The following PTPRJ variants were observed in gnomAD, a reference collection of about 807,000 sequenced individuals.
The protein encoded by PTPRJ is protein tyrosine phosphatase receptor type J, also known as receptor-type tyrosine-protein phosphatase eta.
Under a neutral mutation model 141.3 loss-of-function variants are expected in PTPRJ, and 129 were observed. The observed-to-expected ratio is 0.91, with a 90% CI of 0.79 to 1.06. The LOEUF is 1.06. PTPRJ is among the 50% of genes least tolerant of loss of function. The pLI is 0.00. For synonymous variants in PTPRJ, 610 were observed against 640.5 expected (o/e 0.95, Z 0.72); for missense variants, 1,601 against 1,679.7 (o/e 0.95, Z 0.82).
intron 1 of PTPRJ, among the ~76,000 whole-genome samples, chr11:48,027,968 C>T (rs1364281669): frequency 6.6e-6 from 1 of 151,360 alleles, no homozygotes; most frequent in Non-Finnish European, 1.5e-5. Context: ...GGTCCAGATG[C>T]TTCCAGGGTC....
intron 1 of PTPRJ, among the ~76,000 whole-genome samples, chr11:48,045,809 C>T (rs1022831690): frequency 6.6e-6 from 1 of 152,156 alleles, no homozygotes; most frequent in Non-Finnish European, 1.5e-5. Context: ...GGGGTGAGGG[C>T]CTGGCCACCT....
chr11:48,136,977 T>C (rs1857115913), intron 9 of PTPRJ, 26 bp from the exon 10 acceptor site: 16 of 1,550,706 alleles, frequency 1.0e-5, no homozygotes, highest in Non-Finnish European at 1.3e-5. Context: ...TGCTTTTACA[T>C]GAATTGCCTT....
intron 1 of PTPRJ, among the ~76,000 whole-genome samples, chr11:48,020,144 T>G (rs1408108871): frequency 6.6e-6 from 1 of 152,210 alleles, no homozygotes; most frequent in East Asian, 1.9e-4. Flanking sequence ...GTTCTTTTTC[T>G]TTTGTTTTAC....
chr11:47,996,639 C>T (rs1854344225), intron 1 of PTPRJ, among the ~76,000 whole-genome samples: 1 of 152,214 alleles, frequency 6.6e-6, no homozygotes, highest in Admixed American at 6.5e-5. Flanking sequence ...CCTCAGTGAC[C>T]TCCTTGTTAA....
chr11:47,983,870 A>G (rs767990343), intron 1 of PTPRJ, among the ~76,000 whole-genome samples: 3 of 151,776 alleles, frequency 2.0e-5, no homozygotes, highest in Non-Finnish European at 4.4e-5. Flanking sequence ...GTTTTGTTTT[A>G]TCTTCACTTT....
intron 1 of PTPRJ, among the ~76,000 whole-genome samples, chr11:48,009,540 G>A (rs1392150906): frequency 6.6e-6 from 1 of 152,160 alleles, no homozygotes; most frequent in Non-Finnish European, 1.5e-5. Context: ...AGGGTGTAGC[G>A]AGCCGAGATT....
chr11:47,984,769 G>C (rs1027005427), intron 1 of PTPRJ, among the ~76,000 whole-genome samples: 3 of 152,020 alleles, frequency 2.0e-5, no homozygotes, highest in African/African-American at 7.2e-5. Flanking sequence ...ATGTTGGCCA[G>C]GCTGGTCTTG....
chr11:48,157,762 C>T (rs1022305125), intron 21 of PTPRJ, among the ~76,000 whole-genome samples: 1 of 152,172 alleles, frequency 6.6e-6, no homozygotes, highest in African/African-American at 2.4e-5. Flanking sequence ...TAAGAGATGA[C>T]GCCCATCCTC....
chr11:48,129,791 G>T (rs1856926888), intron 7 of PTPRJ, among the ~76,000 whole-genome samples: 3 of 152,228 alleles, frequency 2.0e-5, no homozygotes, highest in East Asian at 3.9e-4. Context: ...CTGAGGTTTT[G>T]GTTCTAGAGC....
intron 1 of PTPRJ, among the ~76,000 whole-genome samples, chr11:48,085,325 GATTT>G (rs1464310298): frequency 1.3e-5 from 2 of 151,512 alleles, no homozygotes; most frequent in East Asian, 1.9e-4. Flanking sequence ...ACAGGTGACA[GATTT>G]ATTTATTTTT....
intron 1 of PTPRJ, among the ~76,000 whole-genome samples, chr11:48,000,459 TAA>T (rs1444146132): frequency 6.6e-6 from 1 of 152,036 alleles, no homozygotes; most frequent in East Asian, 1.9e-4. Context: ...TTCTTTCCCG[TAA>T]ATTGAGGTGT....
intron 1 of PTPRJ, among the ~76,000 whole-genome samples, chr11:48,010,938 T>C (rs1214285335): frequency 6.6e-6 from 1 of 151,862 alleles, no homozygotes; most frequent in Non-Finnish European, 1.5e-5. Context: ...CTTCAGCCAA[T>C]TGAGTAGCTG....
chr11:48,121,375 C>T, intron 4 of PTPRJ, 109 bp downstream of exon 4: 2 of 1,232,546 alleles, frequency 1.6e-6, no homozygotes, highest in African/African-American at 3.0e-5. Flanking sequence ...TTTTCATAAA[C>T]TAGAAGAGGA....
At chr11:48,020,730 G>A (rs1361261733) in intron 1 of PTPRJ, among the ~76,000 whole-genome samples, 3 of 152,114 alleles carry the variant, frequency 2.0e-5, no homozygotes, top group Non-Finnish European at 2.9e-5. Flanking sequence ...GAAGTATCAC[G>A]GACTGAGTTG....
intron 15 of PTPRJ, among the ~76,000 whole-genome samples, chr11:48,147,372 T>G (rs990512294): frequency 6.6e-6 from 1 of 152,222 alleles, no homozygotes; most frequent in African/African-American, 2.4e-5. Context: ...GTGCCTAACT[T>G]GTGAAGCTGA....
At position 48,145,076 on chromosome 11, in the gene PTPRJ, G is replaced by C; in HGVS notation, c.2863G>C (p.Val955Leu). The C allele has an allele frequency of 6.2e-7, 1 of 1,614,216 alleles. No homozygotes were observed. The highest frequency in any genetic ancestry group is 8.5e-7 in the Non-Finnish European group (1 of 1,180,018). ...KGLIDGAESY[V>L]SFSRYSDAVS... is the part of the protein sequence containing the mutation. ...GCTCATTGATGGGGCTGAGAGCTATGTGTCCTTCAGTCGCTACTCAGATGC... is the reference window on the plus strand; with the variant it reads ...GCTCATTGATGGGGCTGAGAGCTATCTGTCCTTCAGTCGCTACTCAGATGC... Residue 955 changes from valine to leucine, a missense_variant, in exon 14 of 25, where the codon GTG becomes CTG. By Grantham distance (32) the Val-to-Leu change is conservative. Transcript: ENST00000418331.
intron 1 of PTPRJ, among the ~76,000 whole-genome samples, chr11:48,028,477 C>T (rs991604281): frequency 1.6e-4 from 25 of 152,150 alleles, no homozygotes; most frequent in African/African-American, 6.0e-4. Context: ...CTGGCCACAG[C>T]CCAGCCCAGA....
intron 3 of PTPRJ, among the ~76,000 whole-genome samples, chr11:48,116,873 A>T (rs932255341): frequency 6.6e-6 from 1 of 152,224 alleles, no homozygotes; most frequent in African/African-American, 2.4e-5. Context: ...TGAGACAAAC[A>T]TCACTTCTTA....
chr11:48,142,920 T>A lies in PTPRJ; in HGVS notation c.2445T>A (p.Asp815Glu). Residue 815 changes from aspartate (D) to glutamate (E), a missense_variant and splice_region_variant, in exon 12 of 25, where the codon GAT (aspartate) becomes GAA (glutamate). Physicochemically the swap from Asp to Glu is conservative, Grantham distance 45. Coordinates refer to ENST00000418331, the MANE Select transcript of PTPRJ (RefSeq NM_002843.4). ...TRNTCTTGIT[D>E]PPPPDGSPNI... Reference sequence around the variant, plus strand: ...ATGTTTTGTTTTGTTTTGTTTTAGATCCCCCTCCTCCAGATGGATCCCCTA... The same window carrying A: ...ATGTTTTGTTTTGTTTTGTTTTAGAACCCCCTCCTCCAGATGGATCCCCTA... 1 of 1,613,140 alleles carries A rather than the reference T, an allele frequency of 6.2e-7. No individual in the cohort carries two copies. The highest frequency in any genetic ancestry group is 8.5e-7 in the Non-Finnish European group (1 of 1,179,532).
Sources: allele counts gnomAD v4.1 joint callset (sites outside exome capture counted in the v4.1 genomes callset), GRCh38; gene constraint gnomAD v4.1.1; transcripts MANE v1.5; gene names NCBI Gene and HGNC (gene_info 2026-07-23, HGNC 2026-07-21).